The following FOXO1 variants were observed in gnomAD, a reference collection of about 807,000 sequenced individuals.
FOXO1 encodes forkhead box protein O1.
In FOXO1, 6 loss-of-function variants were observed where a neutral mutation model predicts 44.1. The observed-to-expected ratio is 0.14, with a 90% CI of 0.07 to 0.27. FOXO1 has a LOEUF of 0.27. Ranked by LOEUF, FOXO1 falls within the 10% of genes least tolerant of loss-of-function variation. FOXO1 has a pLI of 1.00. For synonymous variants in FOXO1, 380 were observed against 362.7 expected, an observed-to-expected ratio of 1.05 and a Z score of -0.54; for missense variants, 737 against 888.8, an observed-to-expected ratio of 0.83 and a Z score of 2.17.
At chr13:40,610,375 G>C (rs762830636) in intron 1 of FOXO1, among the ~76,000 whole-genome samples, 3 of 152,284 alleles carry the variant, frequency 2.0e-5, no homozygotes, top group Non-Finnish European at 4.4e-5. Flanking sequence ...TAGTGTGTGA[G>C]GTTTAGGACA....
Position 40,665,794 on chromosome 13 carries a change from G to T in FOXO1, c.419C>A (p.Ala140Asp). ...PLSQHPPVPPAAAGPLAGQPR... is the reference protein window; with the variant it reads ...PLSQHPPVPPDAAGPLAGQPR... Reference sequence around the variant, plus strand: ...CTGCCCCGCGAGCGGCCCAGCGGCGGCGGGGGGCACCGGCGGGTGCTGCGA... The same window carrying T: ...CTGCCCCGCGAGCGGCCCAGCGGCGTCGGGGGGCACCGGCGGGTGCTGCGA... Residue 140 changes from alanine (A) to aspartate (D), a missense_variant, in exon 1 of 3, where the codon GCC (alanine) becomes GAC (aspartate). Transcript: ENST00000379561. 8.0e-7 allele frequency: 1 copy of T among 1,250,642 alleles called. No homozygotes were observed. The allele number at this position is 1,250,642 out of a possible 1,614,324, so 77.5% of individuals were successfully genotyped here. A position where few individuals can be genotyped will look rare whatever the true frequency, so the allele number is the denominator to read the frequency against.
chr13:40,559,095 T>TTAAAATCAATTCAACTTAACATGTTAAG (rs1566060193), intron 2 of FOXO1, 61 bp from the exon 3 acceptor site: 1 of 402,130 alleles, frequency 2.5e-6, no homozygotes, highest in Non-Finnish European at 4.4e-6. Context: ...TATAGCCAAA[T>TTAAAATCAATTCAACTTAACATGTTAAG]TAAAATCAAT....
chr13:40,629,359 C>G (rs1876889705), intron 1 of FOXO1, among the ~76,000 whole-genome samples: 1 of 152,190 alleles, frequency 6.6e-6, no homozygotes, highest in South Asian at 2.1e-4. Context: ...TCAGGCTGGT[C>G]TCGAACTCCC....
intron 1 of FOXO1, among the ~76,000 whole-genome samples, chr13:40,662,558 C>T (rs1264306322): frequency 6.6e-6 from 1 of 152,126 alleles, no homozygotes; most frequent in Non-Finnish European, 1.5e-5. Context: ...TTTAACATAC[C>T]ATCCCCACAA....
chr13:40,605,396 T>G (rs1462389179), intron 1 of FOXO1, among the ~76,000 whole-genome samples: 1 of 152,158 alleles, frequency 6.6e-6, no homozygotes, highest in Non-Finnish European at 1.5e-5. Flanking sequence ...TGCTTAAAAC[T>G]TTAACCTAAC....
At chr13:40,658,894 C>T (rs945195510) in intron 1 of FOXO1, among the ~76,000 whole-genome samples, 2 of 152,128 alleles carry the variant, frequency 1.3e-5, no homozygotes, top group African/African-American at 2.4e-5. Context: ...CGCCTGTAGT[C>T]TCAGCTACTC....
chr13:40,580,420 A>T (rs996596636), intron 1 of FOXO1, among the ~76,000 whole-genome samples: 4 of 152,206 alleles, frequency 2.6e-5, no homozygotes, highest in Non-Finnish European at 4.4e-5. Context: ...GCTTGCTGTC[A>T]CACAAACCTG....
At chr13:40,582,433 C>T (rs1264018839) in intron 1 of FOXO1, among the ~76,000 whole-genome samples, 1 of 152,176 alleles carries the variant, frequency 6.6e-6, no homozygotes, top group African/African-American at 2.4e-5. Flanking sequence ...GATTGATTGA[C>T]TCTTTCTTTC....
chr13:40,664,742 C>G (rs1384668643), intron 1 of FOXO1, among the ~76,000 whole-genome samples: 3 of 152,138 alleles, frequency 2.0e-5, no homozygotes, highest in Non-Finnish European at 4.4e-5. Context: ...GCTGGCCCCA[C>G]GGCGCCCGGC....
Position 40,577,194 on chromosome 13 carries a change from A to AC in FOXO1, c.631-16335dup, listed in dbSNP as rs1232880836. Among the ~76,000 whole-genome samples, 5 of 117,740 alleles carry AC rather than the reference A, an allele frequency of 4.2e-5. No individual in the cohort carries two copies. The South Asian group carries it at 9.0e-4, about 21-fold the overall frequency. The allele number at this position is 117,740 out of a possible 152,430, so 77.2% of individuals were successfully genotyped here. On this transcript the variant is annotated intron_variant, in intron 1 of 2. Transcript: ENST00000379561. ...CCTCCTCAATGTGAAAGGCATGATT[A>AC]CCCCCCGCCCACATGCATACTAGAA...
chr13:40,620,009 A>G, intron 1 of FOXO1: 9 of 751,574 alleles, frequency 1.2e-5, no homozygotes, highest in Admixed American at 2.1e-5. Context: ...ACTGTTTGTC[A>G]TAATTCACAA....
At chr13:40,575,602 T>C (rs375287350) in intron 1 of FOXO1, among the ~76,000 whole-genome samples, 4 of 152,380 alleles carry the variant, frequency 2.6e-5, no homozygotes, top group South Asian at 4.1e-4. Flanking sequence ...AGTTAATTTA[T>C]TTCCATTCAC....
chr13:40,649,532 A>C (rs1431984676), intron 1 of FOXO1, among the ~76,000 whole-genome samples: 1 of 152,182 alleles, frequency 6.6e-6, no homozygotes, highest in East Asian at 1.9e-4. Flanking sequence ...TTTGTCTTTG[A>C]TTAAAATGTG....
intron 1 of FOXO1, among the ~76,000 whole-genome samples, chr13:40,580,555 G>C (rs946421326): frequency 5.3e-5 from 8 of 152,040 alleles, no homozygotes; most frequent in Non-Finnish European, 2.9e-5. Context: ...AAGCATTTTT[G>C]TAAGGACTAA....
chr13:40,576,235 A>G (rs778945523), intron 1 of FOXO1, among the ~76,000 whole-genome samples: 43 of 151,900 alleles, frequency 2.8e-4, no homozygotes, highest in Non-Finnish European at 1.6e-4. Context: ...GAAAGGGAGG[A>G]GAGAGAGAGA....
At chr13:40,641,554 T>C (rs1349191769) in intron 1 of FOXO1, among the ~76,000 whole-genome samples, 1 of 152,148 alleles carries the variant, frequency 6.6e-6, no homozygotes, top group Non-Finnish European at 1.5e-5. Context: ...AACTGATTAT[T>C]TAGCCGTTAA....
intron 1 of FOXO1, among the ~76,000 whole-genome samples, chr13:40,582,767 C>A (rs1001439086): frequency 2.0e-5 from 3 of 152,214 alleles, no homozygotes; most frequent in Non-Finnish European, 4.4e-5. Context: ...ACATCTGCAT[C>A]TACTTCCTCT....
chr13:40,628,129 A>T (rs1339347320), intron 1 of FOXO1, among the ~76,000 whole-genome samples: 1 of 152,184 alleles, frequency 6.6e-6, no homozygotes, highest in Non-Finnish European at 1.5e-5. Flanking sequence ...ACGGGTACAT[A>T]AAAGTTTTTT....
chr13:40,603,666 C>T (rs1423470585), intron 1 of FOXO1, among the ~76,000 whole-genome samples: 1 of 152,122 alleles, frequency 6.6e-6, no homozygotes, highest in African/African-American at 2.4e-5. Context: ...TCCAACTGAA[C>T]CCCTTTCATA....
Sources: gnomAD v4.1 joint callset for allele counts (sites outside exome capture counted in the v4.1 genomes callset) on GRCh38, gnomAD v4.1.1 for gene constraint, MANE v1.5 for transcripts, NCBI Gene and HGNC (gene_info 2026-07-23, HGNC 2026-07-21) for gene names.